The following UACA variants were observed in gnomAD, a reference collection of about 807,000 sequenced individuals.
UACA encodes the protein nuclear membrane binding protein.
A neutral mutation model predicts 160.5 loss-of-function variants in UACA; 112 were observed. That is an observed-to-expected ratio of 0.70 (90% CI 0.60 to 0.82). UACA has a LOEUF of 0.82. Ranked by LOEUF, UACA falls within the 40% of genes least tolerant of loss-of-function variation. The pLI, the probability that UACA is intolerant of heterozygous loss-of-function variation, is 0.00. For missense variants in UACA, 1,574 were observed against 1,614.6 expected, an observed-to-expected ratio of 0.97 and a Z score of 0.43; for synonymous variants, 557 against 568.4, an observed-to-expected ratio of 0.98 and a Z score of 0.29.
chr15:70,667,639 C>A lies in UACA; in HGVS notation c.3045G>T (p.Lys1015Asn), dbSNP rs201129903. ...TGACTTCTTCTTCACTGACACTATACTTTTGTGTCTGCTCTGATAACTGGT... is the reference window on the plus strand; with the variant it reads ...TGACTTCTTCTTCACTGACACTATAATTTTGTGTCTGCTCTGATAACTGGT... ...LKDQLSEQTQ[K>N]YSVSEEEVKK... The change falls in exon 16 of 19, where the codon AAG (lysine) becomes AAT (asparagine). Residue 1015 changes from lysine (K) to asparagine (N), a missense_variant. Coordinates refer to ENST00000322954, the MANE Select transcript of UACA (RefSeq NM_018003.4). The A allele has an allele frequency of 6.2e-7, 1 of 1,612,934 alleles. No individual in the cohort carries two copies. Among genetic ancestry groups the A allele is most frequent in the South Asian group, 1.1e-5 (1 of 91,016 alleles).
At chr15:70,744,248 C>CAAAAAAAAA (rs5813608) in intron 1 of UACA, among the ~76,000 whole-genome samples, 1 of 64,726 alleles carries the variant, frequency 1.5e-5, no homozygotes, top group African/African-American at 4.7e-5. Flanking sequence ...GACTCTGTCT[C>CAAAAAAAAA]AAAAAAAAAA....
At position 70,668,811 on chromosome 15, in the gene UACA, G is replaced by A; in HGVS notation, c.1873C>T (p.Leu625Phe). Residue 625 changes from leucine to phenylalanine, a missense_variant, in exon 16 of 19, where the codon CTT becomes TTT. Coordinates refer to ENST00000322954, the MANE Select transcript of UACA (RefSeq NM_018003.4). The part of the protein sequence containing the change: ...QAKELSAKLA[L>F]SIPAEKFENM... ...TCAAATTTTTCAGCTGGAATGGAAA[G>A]GGCCAACTTCGCTGACAATTCTTTT... 6.2e-7 allele frequency: 1 copy of A among 1,613,866 alleles called. No individual in the cohort carries two copies. The highest frequency in any genetic ancestry group is 8.5e-7 in the Non-Finnish European group (1 of 1,180,024).
rs1252790170 is a variant in UACA at position 70,669,159 on chromosome 15, A to G, written c.1525T>C (p.Ser509Pro). The G allele has an allele frequency of 2.5e-6, 4 of 1,613,920 alleles. No individual in the cohort carries two copies. The highest frequency in any genetic ancestry group is 3.4e-6 in the Non-Finnish European group (4 of 1,180,010). The change falls in exon 16 of 19, where the codon TCA (serine) becomes CCA (proline). Residue 509 changes from serine (S) to proline (P), a missense_variant. By Grantham distance (74) the Ser-to-Pro change is moderately conservative. Transcript: ENST00000322954. ...LKDVQKRMYESEGKVKQMQTH... is the reference protein window; with the variant it reads ...LKDVQKRMYEPEGKVKQMQTH... The stretch of plus-strand genomic sequence containing the variant: ...TGCATTTGTTTAACTTTACCTTCTG[A>G]CTCATACATCCTCTTCTGCACATCT...
chr15:70,679,419 T>C (rs1442113036), intron 10 of UACA, among the ~76,000 whole-genome samples, 189 bp downstream of exon 10: 1 of 148,550 alleles, frequency 6.7e-6, no homozygotes, highest in Non-Finnish European at 1.5e-5. Flanking sequence ...AATAAATAAA[T>C]AAATAAATAA....
upstream of UACA, chr15:70,763,609 C>CG (rs1595932273): frequency 1.8e-5 from 20 of 1,140,556 alleles, no homozygotes; most frequent in South Asian, 5.0e-4. Context: ...GCTGCCCTGG[C>CG]GGGGGCGTGG....
intron 1 of UACA, among the ~76,000 whole-genome samples, chr15:70,729,954 AC>A (rs1899272455): frequency 9.5e-6 from 1 of 105,768 alleles, no homozygotes; most frequent in Non-Finnish European, 1.8e-5. Context: ...AGGAAAACTA[AC>A]AACCAGAAAG....
chr15:70,705,681 G>A (rs62016915), intron 1 of UACA, among the ~76,000 whole-genome samples: 20,620 of 151,964 alleles, frequency 0.14, 1,721 homozygotes, highest in African/African-American at 0.23. Context: ...ATCTACCATC[G>A]AGTAAACCAT....
intron 1 of UACA, among the ~76,000 whole-genome samples, chr15:70,714,121 A>G (rs779568151): frequency 1.1e-4 from 16 of 152,210 alleles, no homozygotes; most frequent in African/African-American, 3.6e-4. Flanking sequence ...AAGCTCTATC[A>G]CAATTCAAAA....
intron 15 of UACA, 55 bp downstream of exon 15, chr15:70,670,984 G>T: frequency 4.3e-6 from 5 of 1,176,154 alleles, no homozygotes; most frequent in Non-Finnish European, 5.8e-6. Flanking sequence ...CTTTATAAAG[G>T]CACAAAAATT....
intron 15 of UACA, among the ~76,000 whole-genome samples, chr15:70,669,840 T>C (rs1289739765): frequency 6.6e-6 from 1 of 152,206 alleles, no homozygotes; most frequent in Non-Finnish European, 1.5e-5. Context: ...TGGTACATAA[T>C]GTGCTTAGAA....
intron 1 of UACA, among the ~76,000 whole-genome samples, chr15:70,700,318 T>TATATATATATATATACACACAC (rs565377949): frequency 1.4e-5 from 2 of 139,762 alleles, no homozygotes; most frequent in African/African-American, 5.8e-5. Context: ...TATATATATA[T>TATATATATATATATACACACAC]ACACACACAC....
chr15:70,721,329 T>C (rs1179496968), intron 1 of UACA, among the ~76,000 whole-genome samples: 2 of 152,242 alleles, frequency 1.3e-5, no homozygotes, highest in East Asian at 3.9e-4. Context: ...TGGCAAAATA[T>C]AAAACTACAG....
In UACA at chr15:70,695,114, A is replaced by C. The variant is rs768708760; in HGVS notation, c.213-9T>G. 1.3e-6 allele frequency: 2 copies of C among 1,580,236 alleles called. No individual in the cohort carries two copies. Among genetic ancestry groups the C allele is most frequent in the Non-Finnish European group, 1.7e-6 (2 of 1,164,610 alleles). ...AGGTCACAACATGGAAGCTAAACAAAAAAAAAATATTTGTTGTGCTAAGGA... is the reference window on the plus strand; with the variant it reads ...AGGTCACAACATGGAAGCTAAACAACAAAAAAATATTTGTTGTGCTAAGGA... On this transcript the variant is annotated splice_polypyrimidine_tract_variant and intron_variant, in intron 2 of 18. Coordinates refer to ENST00000322954, the MANE Select transcript of UACA (RefSeq NM_018003.4).
intron 1 of UACA, among the ~76,000 whole-genome samples, chr15:70,744,475 A>G (rs943705304): frequency 1.3e-5 from 2 of 152,082 alleles, no homozygotes; most frequent in African/African-American, 4.8e-5. Flanking sequence ...AAGATAATAG[A>G]CTATAAACTT....
rs565377949 is a variant in UACA, at chr15:70,700,318, T to TATATATATATATATATATACACACAC, written c.79-659_79-658insGTGTGTGTATATATATATATATATAT. 2.2e-3 allele frequency among the ~76,000 whole-genome samples: 312 copies of TATATATATATATATATATACACACAC among 139,696 alleles called. 1 individual carries two copies. The highest frequency in any genetic ancestry group is 8.1e-3 in the African/African-American group (278 of 34,252). 91.6% of individuals were successfully genotyped at this position (139,696 alleles called of 152,430 possible). On this transcript the variant is annotated intron_variant, in intron 1 of 18. Transcript: ENST00000322954. The stretch of plus-strand genomic sequence containing the variant: ...GGCAAATTGTATATATATATATATA[T>TATATATATATATATATATACACACAC]ACACACACACACACACACACACATT...
Position 70,763,500 on chromosome 15 carries a change from G to C in UACA, c.-93C>G, listed in dbSNP as rs2030908467. 3.2e-6 allele frequency: 4 copies of C among 1,257,698 alleles called. No individual in the cohort carries two copies. The Admixed American group carries it at 1.3e-4, about 40-fold the overall frequency. 77.9% of individuals were successfully genotyped at this position (1,257,698 alleles called of 1,614,324 possible). On this transcript the variant is annotated 5_prime_UTR_variant, in exon 1 of 19. Coordinates refer to ENST00000322954, the MANE Select transcript of UACA (RefSeq NM_018003.4). ...CGGCAGCGGCTGCAGCAGAGGCGGC[G>C]CGGGCTGTACCAGCCCCACCTGCCT... is the stretch of plus-strand genomic sequence containing the variant.
In UACA at chr15:70,656,351, G is replaced by A. The variant is rs561204039; in HGVS notation, c.*705C>T. On this transcript the variant is annotated 3_prime_UTR_variant, in exon 19 of 19. Transcript: ENST00000322954. ...CAATATTGTGGCAAGAATAGTCACC[G>A]CAAGTAAAAATTAAGATACTGTTGT... 1.4e-4 allele frequency: 21 copies of A among 152,084 alleles called. No homozygotes were observed. The highest frequency in any genetic ancestry group is 1.0e-3 in the South Asian group (5 of 4,820). The allele number at this position is 152,084 out of a possible 1,614,324, so 9.4% of individuals were successfully genotyped here. A position where few individuals can be genotyped will look rare whatever the true frequency, so the allele number is the denominator to read the frequency against.
In UACA at chr15:70,763,474, A is replaced by G; in HGVS notation, c.-67T>C. On this transcript the variant is annotated 5_prime_UTR_variant, in exon 1 of 19. Coordinates refer to ENST00000322954, the MANE Select transcript of UACA (RefSeq NM_018003.4). ...CGGAGTGCCAGCGCGCAAGGAGTAG[A>G]CGGCAGCGGCTGCAGCAGAGGCGGC... 7.9e-7 allele frequency: 1 copy of G among 1,264,316 alleles called. No homozygotes were observed. Among genetic ancestry groups the G allele is most frequent in the Non-Finnish European group, 1.0e-6 (1 of 996,710 alleles). 78.3% of individuals were successfully genotyped at this position (1,264,316 alleles called of 1,614,324 possible).
chr15:70,689,309 A>C (rs934239629), intron 5 of UACA, among the ~76,000 whole-genome samples: 5 of 152,188 alleles, frequency 3.3e-5, no homozygotes, highest in Admixed American at 6.5e-5. Flanking sequence ...TTCTTTTGTT[A>C]TAGCAACTTA....
Sources: gnomAD v4.1 joint callset for allele counts (sites outside exome capture counted in the v4.1 genomes callset) on GRCh38, gnomAD v4.1.1 for gene constraint, MANE v1.5 for transcripts, NCBI Gene and HGNC (gene_info 2026-07-23, HGNC 2026-07-21) for gene names.